CDIN1: variants seen among roughly 807,000 people sequenced by gnomAD.
CDIN1 encodes CDAN1 interacting nuclease 1, also known as CDAN1-interacting nuclease 1.
A neutral mutation model predicts 45.3 loss-of-function variants in CDIN1; 33 were observed. That is an observed-to-expected ratio of 0.73 (90% confidence interval 0.55 to 0.97). The LOEUF is 0.97. CDIN1 is among the 50% of genes least tolerant of loss of function. The probability of loss-of-function intolerance (pLI) is 0.00; values close to 1 mark genes in which losing one functional copy is unlikely to be tolerated. For missense variants in CDIN1, 303 were observed against 339.4 expected (o/e 0.89, Z 0.84); for synonymous variants, 118 against 124.4 (o/e 0.95, Z 0.34).
At chr15:36,742,482 A>G (rs1339185703) in intron 10 of CDIN1, among the ~76,000 whole-genome samples, 4 of 152,228 alleles carry the variant, frequency 2.6e-5, no homozygotes, top group African/African-American at 9.6e-5. Flanking sequence ...CGAAGAAGGC[A>G]AAAATCAAAC....
intron 10 of CDIN1, among the ~76,000 whole-genome samples, chr15:36,770,911 A>T (rs756810211): frequency 5.9e-5 from 9 of 152,222 alleles, no homozygotes; most frequent in Admixed American, 1.3e-4. Flanking sequence ...ATGCCACATT[A>T]TGTGAATGAG....
chr15:36,596,126 A>G (rs892364462), intron 1 of CDIN1, among the ~76,000 whole-genome samples: 6 of 152,144 alleles, frequency 3.9e-5, no homozygotes, highest in Non-Finnish European at 7.4e-5. Context: ...CAAACAAAAT[A>G]ATTGCTAACA....
chr15:36,660,172 T>G (rs2040951407), intron 5 of CDIN1, among the ~76,000 whole-genome samples: 1 of 152,066 alleles, frequency 6.6e-6, no homozygotes, highest in African/African-American at 2.4e-5. Context: ...GGGATAATTG[T>G]CTTTGGTAGC....
intron 1 of CDIN1, chr15:36,640,530 A>G (rs2040065389): frequency 1.8e-6 from 1 of 570,090 alleles, no homozygotes; most frequent in African/African-American, 2.0e-5. Context: ...TAGAGTGTAC[A>G]CATTTAAGCT....
intron 10 of CDIN1, among the ~76,000 whole-genome samples, chr15:36,752,499 T>C (rs1224987812): frequency 6.6e-6 from 1 of 152,216 alleles, no homozygotes; most frequent in African/African-American, 2.4e-5. Flanking sequence ...CTGGAGCAGG[T>C]ACAAGGGATG....
At chr15:36,721,949 ACT>A (rs1412301382) in intron 10 of CDIN1, among the ~76,000 whole-genome samples, 1 of 150,516 alleles carries the variant, frequency 6.6e-6, no homozygotes, top group Non-Finnish European at 1.5e-5. Flanking sequence ...CAGCTGGGAA[ACT>A]CTGTTAAGCT....
At chr15:36,800,824 GAAAA>G (rs1286415399) in intron 10 of CDIN1, among the ~76,000 whole-genome samples, 2 of 145,682 alleles carry the variant, frequency 1.4e-5, no homozygotes, top group African/African-American at 5.1e-5. Flanking sequence ...CATAATAAGA[GAAAA>G]AGAAATATAT....
rs540825423 is a variant in CDIN1, at chr15:36,707,413, A to T, written c.545-1810A>T. Reference sequence around the variant, plus strand: ...TGGGAAGGATCCCCAGCCACACTTGATGTTTTGTGTTTAAGTTTTGAGGTT... The same window carrying T: ...TGGGAAGGATCCCCAGCCACACTTGTTGTTTTGTGTTTAAGTTTTGAGGTT... On this transcript the variant is annotated intron_variant, in intron 8 of 10. Coordinates refer to ENST00000566621, the MANE Select transcript of CDIN1 (RefSeq NM_001321759.2). 5 of 152,224 alleles carry T rather than the reference A, an allele frequency of 3.3e-5. No homozygotes were observed. In the East Asian group the frequency reaches 9.7e-4, roughly 29 times the overall value. The allele number at this position is 152,224 out of a possible 1,614,324, so 9.4% of individuals were successfully genotyped here.
chr15:36,685,655 A>G (rs1289122286), intron 5 of CDIN1, among the ~76,000 whole-genome samples: 1 of 152,160 alleles, frequency 6.6e-6, no homozygotes, highest in Admixed American at 6.5e-5. Flanking sequence ...TTCTCAACCT[A>G]CTCATCTGAC....
chr15:36,647,715 ATTGTATTTGT>A (rs1566864049), intron 3 of CDIN1: 3 of 152,214 alleles, frequency 2.0e-5, no homozygotes, highest in Non-Finnish European at 4.4e-5. Flanking sequence ...ATAAAGCCAA[ATTGTATTTGT>A]TATATCAAAA....
intron 7 of CDIN1, among the ~76,000 whole-genome samples, chr15:36,695,678 C>G (rs1447706945): frequency 6.6e-6 from 1 of 152,080 alleles, no homozygotes; most frequent in Non-Finnish European, 1.5e-5. Context: ...AAAACTCCAT[C>G]TGTACTAAAA....
At chr15:36,709,163 A>G in intron 8 of CDIN1, 60 bp from the exon 9 acceptor site, 2 of 1,391,498 alleles carry the variant, frequency 1.4e-6, no homozygotes, top group Admixed American at 2.3e-5. Context: ...AAAAACAAAT[A>G]TATTCCTATC....
At chr15:36,672,470 A>C (rs1348995263) in intron 5 of CDIN1, among the ~76,000 whole-genome samples, 1 of 152,108 alleles carries the variant, frequency 6.6e-6, no homozygotes, top group Non-Finnish European at 1.5e-5. Flanking sequence ...GCATCCTAGC[A>C]GTGAAGGCCA....
chr15:36,623,839 G>C (rs935148199), intron 1 of CDIN1, among the ~76,000 whole-genome samples: 4 of 152,186 alleles, frequency 2.6e-5, no homozygotes, highest in Non-Finnish European at 5.9e-5. Flanking sequence ...AAAGTAATTT[G>C]TTTTATGATT....
intron 10 of CDIN1, among the ~76,000 whole-genome samples, chr15:36,801,989 C>T (rs1226881214): frequency 6.6e-6 from 1 of 152,086 alleles, no homozygotes; most frequent in Non-Finnish European, 1.5e-5. Flanking sequence ...TGATCAGTTG[C>T]CTTGCTTCTG....
intron 1 of CDIN1, chr15:36,626,684 C>T (rs938201893): frequency 2.2e-5 from 9 of 403,688 alleles, no homozygotes; most frequent in Non-Finnish European, 4.5e-5. Flanking sequence ...TCATGAGCTT[C>T]CTAAGTGGGA....
At chr15:36,636,819 T>G (rs1326112655) in intron 1 of CDIN1, among the ~76,000 whole-genome samples, 6 of 152,188 alleles carry the variant, frequency 3.9e-5, no homozygotes, top group African/African-American at 1.2e-4. Context: ...AATAATAAAT[T>G]TTGATACATT....
intron 5 of CDIN1, among the ~76,000 whole-genome samples, chr15:36,682,220 A>G (rs1163847760): frequency 1.3e-5 from 2 of 152,150 alleles, no homozygotes; most frequent in South Asian, 2.1e-4. Context: ...GAGAAGAGCC[A>G]GTGGTTGTAG....
chr15:36,752,210 C>A (rs2053494824), intron 10 of CDIN1, among the ~76,000 whole-genome samples: 1 of 152,162 alleles, frequency 6.6e-6, no homozygotes, highest in African/African-American at 2.4e-5. Context: ...GATTCTGTTG[C>A]CTATAAATAT....
Sources: gnomAD v4.1 joint callset for allele counts (sites outside exome capture counted in the v4.1 genomes callset) on GRCh38, gnomAD v4.1.1 for gene constraint, MANE v1.5 for transcripts, NCBI Gene and HGNC (gene_info 2026-07-23, HGNC 2026-07-21) for gene names.